SLC46A3: variants seen among roughly 807,000 people sequenced by gnomAD.
The protein encoded by SLC46A3 is solute carrier family 46 member 3, also known as lysosomal proton-coupled steroid conjugate and bile acid symporter SLC46A3.
Under a neutral mutation model 38.5 loss-of-function variants are expected in SLC46A3, and 26 were observed. The ratio of observed to expected loss-of-function variants is 0.68; its 90% confidence interval spans 0.49 to 0.94. SLC46A3 has a LOEUF of 0.94. SLC46A3 is among the 40% of genes least tolerant of loss of function. The probability of loss-of-function intolerance (pLI) is 0.00; values close to 1 mark genes in which losing one functional copy is unlikely to be tolerated. For synonymous variants in SLC46A3, 185 were observed against 192.5 expected (o/e 0.96, Z 0.32); for missense variants, 510 against 544.3 (o/e 0.94, Z 0.63).
At chr13:28,703,760 C>A (rs758964705) in intron 5 of SLC46A3, 183 bp downstream of exon 5, 6 of 406,940 alleles carry the variant, frequency 1.5e-5, no homozygotes, top group African/African-American at 6.2e-5. Context: ...GCATGCCAAT[C>A]TTCACTGTGT....
At chr13:28,713,632 T>C in intron 2 of SLC46A3, 82 bp from the exon 3 acceptor site, 1 of 1,380,498 alleles carries the variant, frequency 7.2e-7, no homozygotes, top group Non-Finnish European at 9.9e-7. Flanking sequence ...ATATGCTTTT[T>C]TCCCTGTGGC....
chr13:28,707,766 C>A (rs979351336), intron 4 of SLC46A3, among the ~76,000 whole-genome samples: 2 of 149,766 alleles, frequency 1.3e-5, no homozygotes, highest in East Asian at 4.0e-4. Context: ...TTTGTGCAAC[C>A]ATCACCACTA....
chr13:28,703,926 T>TAA lies in SLC46A3; in HGVS notation c.1301+15_1301+16dup. On this transcript the variant is annotated intron_variant, in intron 5 of 5. Coordinates refer to ENST00000266943, the MANE Select transcript of SLC46A3 (RefSeq NM_181785.4). ...TCCATATACCCTCTGATAAAATGAT[T>TAA]AAAAATAATGACATACCATAGACTG... is the stretch of plus-strand genomic sequence containing the variant. 2 of 1,603,590 alleles carry TAA rather than the reference T, an allele frequency of 1.2e-6. No homozygotes were observed. Among genetic ancestry groups the TAA allele is most frequent in the Non-Finnish European group, 1.7e-6 (2 of 1,173,640 alleles).
In SLC46A3 at chr13:28,701,096, T is replaced by A. The variant is rs767483856; in HGVS notation, c.*401A>T. On this transcript the variant is annotated 3_prime_UTR_variant, in exon 6 of 6. Transcript: ENST00000266943. ...TCCCTGAGAGAGGCCAGAAACCCAT[T>A]CTGCTGATGAAGAAACTGAGGTAAA... 4 of 1,452,434 alleles carry A rather than the reference T, an allele frequency of 2.8e-6. No homozygotes were observed. The highest frequency in any genetic ancestry group is 3.8e-4 in the Middle Eastern group (2 of 5,332). 90.0% of individuals were successfully genotyped at this position (1,452,434 alleles called of 1,614,324 possible).
chr13:28,703,895 A>G, intron 5 of SLC46A3, 48 bp downstream of exon 5: 1 of 1,542,160 alleles, frequency 6.5e-7, no homozygotes, highest in Admixed American at 1.8e-5. Context: ...TAGGGAATTC[A>G]CTTAATCCAT....
At chr13:28,716,745 G>A (rs898241477) in intron 2 of SLC46A3, among the ~76,000 whole-genome samples, 3 of 152,132 alleles carry the variant, frequency 2.0e-5, no homozygotes, top group African/African-American at 7.2e-5. Context: ...CCTCACCCCA[G>A]CAAGGTTCCA....
rs748987715 is a variant in SLC46A3, at chr13:28,701,543, T to C, written c.1340A>G (p.Glu447Gly). 3.2e-5 allele frequency: 51 copies of C among 1,613,364 alleles called. No homozygotes were observed. Among genetic ancestry groups the C allele is most frequent in the Admixed American group, 2.0e-4 (12 of 59,970 alleles). Reference sequence around the variant, plus strand: ...ACTGGATTCTTCTTGTATAAGAAGTTCATAGCTTCCCTCATTCCAGCTGGT... The same window carrying C: ...ACTGGATTCTTCTTGTATAAGAAGTCCATAGCTTCCCTCATTCCAGCTGGT... ...KCTSWNEGSYELLIQEESSED... is the reference protein window; with the variant it reads ...KCTSWNEGSYGLLIQEESSED... Residue 447 changes from glutamate to glycine, a missense_variant, in exon 6 of 6, where the codon GAA becomes GGA. Glu to Gly is a moderately conservative substitution (Grantham distance 98, BLOSUM62 -2). Transcript: ENST00000266943.
chr13:28,715,365 A>G (rs557096099), intron 2 of SLC46A3, among the ~76,000 whole-genome samples: 128 of 152,374 alleles, frequency 8.4e-4, no homozygotes, highest in African/African-American at 3.0e-3. Flanking sequence ...AGGTGGGCCA[A>G]CACTTGCCCC....
chr13:28,717,985 A>G lies in SLC46A3; in HGVS notation c.14T>C (p.Phe5Ser), dbSNP rs1885582944. ...ACTAAGGAAAATGGCAGGTTCTACA[A>G]ATAAAATCTTCATATTGCCTGGGTA... is the stretch of plus-strand genomic sequence containing the variant. MKILFVEPAIFLSAF... is the reference protein window; with the variant it reads MKILSVEPAIFLSAF... The change falls in exon 2 of 6, where the codon TTT becomes TCT. Residue 5 changes from phenylalanine to serine, a missense_variant. Phe to Ser is a radical substitution (Grantham distance 155). Transcript: ENST00000266943. 1.2e-6 allele frequency: 2 copies of G among 1,611,812 alleles called. No individual in the cohort carries two copies. The highest frequency in any genetic ancestry group is 1.7e-5 in the Admixed American group (1 of 59,528).
chr13:28,717,660 G>A (rs1327737854), intron 2 of SLC46A3, 150 bp downstream of exon 2: 6 of 665,334 alleles, frequency 9.0e-6, no homozygotes, highest in Admixed American at 6.2e-5. Flanking sequence ...AATGAGGTGA[G>A]TTCCCAGTAA....
chr13:28,711,349 G>A (rs757252671), intron 3 of SLC46A3, among the ~76,000 whole-genome samples: 15 of 151,922 alleles, frequency 9.9e-5, no homozygotes, highest in Non-Finnish European at 1.5e-4. Flanking sequence ...ACTTGAACCC[G>A]GGAGGTGGAG....
At position 28,717,933 on chromosome 13, in the gene SLC46A3, T is replaced by C. The variant is rs1566126262; in HGVS notation, c.66A>G (p.Pro22=). 6.2e-7 allele frequency: 1 copy of C among 1,614,198 alleles called. No individual in the cohort carries two copies. Reference sequence around the variant, plus strand: ...TCCGATAAACATATTGCGTTGTCAGTGGACCGGTCAAAGTCATAGCAAATG... The same window carrying C: ...TCCGATAAACATATTGCGTTGTCAGCGGACCGGTCAAAGTCATAGCAAATG... ...LSAFAMTLTG[P]LTTQYVYRRI... The change falls in exon 2 of 6, where the codon CCA becomes CCG. Residue 22 remains proline, a synonymous_variant. Coordinates refer to ENST00000266943, the MANE Select transcript of SLC46A3 (RefSeq NM_181785.4).
Position 28,713,188 on chromosome 13 carries a change from T to C in SLC46A3, c.552A>G (p.Gly184=). 3.1e-6 allele frequency: 5 copies of C among 1,614,116 alleles called. No individual in the cohort carries two copies. Among genetic ancestry groups the C allele is most frequent in the Non-Finnish European group, 4.2e-6 (5 of 1,180,008 alleles). ...CTCTAATAAAATAGCCAGATGACAG[T>C]CCTGTTAGTCCAGTAACAAGTCCAA... ...FLLGLVTGLT[G]LSSGYFIREL... is the part of the protein sequence containing the mutation. Residue 184 remains glycine (G), a synonymous_variant, in exon 3 of 6, where the codon GGA becomes GGG. Transcript: ENST00000266943.
chr13:28,700,933 C>T lies in SLC46A3; in HGVS notation c.*564G>A. ...AGAAGTCACAGTATATAAGCTCCGA[C>T]TATCAATAGCAGCTTAACAGGCTCT... On this transcript the variant is annotated 3_prime_UTR_variant, in exon 6 of 6. Coordinates refer to ENST00000266943, the MANE Select transcript of SLC46A3 (RefSeq NM_181785.4). 1 of 1,498,930 alleles carries T rather than the reference C, an allele frequency of 6.7e-7. No individual in the cohort carries two copies. The highest frequency in any genetic ancestry group is 1.2e-5 in the South Asian group (1 of 82,550). The allele number at this position is 1,498,930 out of a possible 1,614,324, so 92.9% of individuals were successfully genotyped here.
intron 4 of SLC46A3, among the ~76,000 whole-genome samples, chr13:28,708,676 G>T (rs1331453538): frequency 6.8e-6 from 1 of 147,858 alleles, no homozygotes; most frequent in Non-Finnish European, 1.5e-5. Flanking sequence ...GGTCAGGCTG[G>T]TCTCAAACTC....
chr13:28,710,881 G>A (rs763783498), intron 3 of SLC46A3, 38 bp from the exon 4 acceptor site: 2 of 1,468,776 alleles, frequency 1.4e-6, no homozygotes, highest in African/African-American at 2.8e-5. Flanking sequence ...GGCTGATTCT[G>A]AAAGCTAATG....
At chr13:28,714,141 C>CA (rs764114430) in intron 2 of SLC46A3, among the ~76,000 whole-genome samples, 21 of 14,296 alleles carry the variant, frequency 1.5e-3, no homozygotes, top group African/African-American at 3.3e-3. Context: ...CCAAAAAATA[C>CA]AAAAAAAAAA....
At chr13:28,712,514 C>T (rs574640453) in intron 3 of SLC46A3, 166 bp downstream of exon 3, 40 of 532,000 alleles carry the variant, frequency 7.5e-5, no homozygotes, top group African/African-American at 6.7e-4. Flanking sequence ...AAAGTGAATT[C>T]GGCTTTTGGC....
chr13:28,711,487 T>G (rs924138015), intron 3 of SLC46A3, among the ~76,000 whole-genome samples: 1 of 152,180 alleles, frequency 6.6e-6, no homozygotes, highest in Non-Finnish European at 1.5e-5. Flanking sequence ...TATTAACCTC[T>G]TATTTAGCAA....
Sources: gnomAD v4.1 joint callset for allele counts (sites outside exome capture counted in the v4.1 genomes callset) on GRCh38, gnomAD v4.1.1 for gene constraint, MANE v1.5 for transcripts, NCBI Gene and HGNC (gene_info 2026-07-23, HGNC 2026-07-21) for gene names.